Variants in COMMD2 observed in about 807,000 individuals in gnomAD.
COMMD2 encodes COMM domain containing 2, also known as COMM domain-containing protein 2.
COMMD2 carries 25 observed loss-of-function variants against 22.5 expected under a neutral mutation model. The ratio of observed to expected loss-of-function variants is 1.11; its 90% confidence interval spans 0.81 to 1.55. The LOEUF is 1.55. Among genes scored for constraint, COMMD2 ranks in the 40% most tolerant of loss-of-function variants. The pLI is 0.00. For missense variants in COMMD2, 223 were observed against 232.9 expected, an observed-to-expected ratio of 0.96 and a Z score of 0.28; for synonymous variants, 98 against 91.2, an observed-to-expected ratio of 1.07 and a Z score of -0.42.
At chr3:149,745,294 C>A (rs754325898) in intron 4 of COMMD2, among the ~76,000 whole-genome samples, 2 of 152,158 alleles carry the variant, frequency 1.3e-5, no homozygotes, top group African/African-American at 4.8e-5. Flanking sequence ...GTTAGGGGTA[C>A]AAGAAATATA....
intron 4 of COMMD2, among the ~76,000 whole-genome samples, chr3:149,749,730 C>T (rs1391536149): frequency 6.6e-6 from 1 of 152,204 alleles, no homozygotes; most frequent in African/African-American, 2.4e-5. Flanking sequence ...TCTGAAATTT[C>T]ATTTCCTTTT....
At chr3:149,742,169 A>G (rs1716247715) in intron 4 of COMMD2, among the ~76,000 whole-genome samples, 1 of 152,248 alleles carries the variant, frequency 6.6e-6, no homozygotes, top group Non-Finnish European at 1.5e-5. Context: ...AGCATTTTAC[A>G]GAAGACAAAT....
At position 149,752,455 on chromosome 3, in the gene COMMD2, C is replaced by T. The variant is rs1204317690; in HGVS notation, c.-11G>A. Reference sequence around the variant, plus strand: ...CAATTCCAGCAGCATCTTCACTGTCCTACGATTTCACCCGGCAGCGCCGAC... The same window carrying T: ...CAATTCCAGCAGCATCTTCACTGTCTTACGATTTCACCCGGCAGCGCCGAC... On this transcript the variant is annotated 5_prime_UTR_variant, in exon 1 of 5. Transcript: ENST00000473414. 33 of 1,611,112 alleles carry T rather than the reference C, an allele frequency of 2.0e-5. 1 individual carries two copies. Among genetic ancestry groups the T allele is most frequent in the Middle Eastern group, 1.6e-4 (1 of 6,080 alleles).
Position 149,739,318 on chromosome 3 carries a change from C to G in COMMD2, c.*2203G>C, listed in dbSNP as rs561215787. The G allele has an allele frequency of 6.6e-6, 1 of 151,162 alleles. No individual in the cohort carries two copies. The highest frequency in any genetic ancestry group is 2.1e-4 in the South Asian group (1 of 4,796). The allele number at this position is 151,162 out of a possible 1,614,324, so 9.4% of individuals were successfully genotyped here. A position where few individuals can be genotyped will look rare whatever the true frequency, so the allele number is the denominator to read the frequency against. ...TCCACAAGGATGTGGAATGTTTGAG[C>G]AAAAAAAAGGAAGAGGCTTATTCAA... On this transcript the variant is annotated 3_prime_UTR_variant, in exon 5 of 5. Transcript: ENST00000473414.
At chr3:149,751,331 A>T (rs2108253701) in intron 3 of COMMD2, 72 bp downstream of exon 3, 1 of 1,606,460 alleles carries the variant, frequency 6.2e-7, no homozygotes, top group African/African-American at 1.3e-5. Flanking sequence ...ACCTGCCAGG[A>T]CTATGATGTA....
chr3:149,749,615 A>G (rs989297935), intron 4 of COMMD2, among the ~76,000 whole-genome samples: 1 of 152,198 alleles, frequency 6.6e-6, no homozygotes, highest in Non-Finnish European at 1.5e-5. Flanking sequence ...AGTGCACTAT[A>G]ATACATATTC....
chr3:149,743,676 C>G (rs1716294491), intron 4 of COMMD2, among the ~76,000 whole-genome samples: 1 of 152,156 alleles, frequency 6.6e-6, no homozygotes, highest in Non-Finnish European at 1.5e-5. Context: ...TAGGTACTTG[C>G]AGGCTAAAGT....
intron 4 of COMMD2, among the ~76,000 whole-genome samples, chr3:149,745,192 C>T (rs987841864): frequency 6.6e-6 from 1 of 152,134 alleles, no homozygotes; most frequent in Non-Finnish European, 1.5e-5. Flanking sequence ...CAGTCATTTC[C>T]CCAATGAACC....
At chr3:149,747,666 C>T (rs1037829602) in intron 4 of COMMD2, among the ~76,000 whole-genome samples, 3 of 152,104 alleles carry the variant, frequency 2.0e-5, no homozygotes, top group Non-Finnish European at 1.5e-5. Flanking sequence ...GCTGGGCGTG[C>T]TGGCTCATGC....
At chr3:149,743,387 G>A (rs1448643804) in intron 4 of COMMD2, among the ~76,000 whole-genome samples, 1 of 152,056 alleles carries the variant, frequency 6.6e-6, no homozygotes, top group Non-Finnish European at 1.5e-5. Context: ...ATAGGAGAAA[G>A]CAAAAAAGTT....
intron 4 of COMMD2, among the ~76,000 whole-genome samples, chr3:149,745,276 T>C (rs560043680): frequency 6.6e-6 from 1 of 152,330 alleles, no homozygotes; most frequent in African/African-American, 2.4e-5. Context: ...CTACAGCACC[T>C]GGCACATGTT....
chr3:149,752,331 T>G lies in COMMD2; in HGVS notation c.68-44A>C, dbSNP rs150156056. ...GGCTGTTGAGTGCCAGGCGCTGCCT[T>G]TGACCTCCTCCCCAGCCCACAGAAC... is the stretch of plus-strand genomic sequence containing the variant. On this transcript the variant is annotated intron_variant, in intron 1 of 4. Coordinates refer to ENST00000473414, the MANE Select transcript of COMMD2 (RefSeq NM_016094.4). 1,079 of 1,613,832 alleles carry G rather than the reference T, an allele frequency of 6.7e-4. 2 individuals are homozygous for G. In the African/African-American group the frequency reaches 0.013, roughly 20 times the overall value.
At chr3:149,742,069 A>C (rs890416973) in intron 4 of COMMD2, among the ~76,000 whole-genome samples, 9 of 152,172 alleles carry the variant, frequency 5.9e-5, no homozygotes, top group African/African-American at 1.9e-4. Flanking sequence ...TAACCAAAAA[A>C]AGATTAGTAT....
At chr3:149,750,307 T>A (rs1716495421) in intron 4 of COMMD2, 5 of 377,170 alleles carry the variant, frequency 1.3e-5, no homozygotes, top group South Asian at 9.9e-5. Flanking sequence ...AGGATGCTTC[T>A]GGGGTGTGAG....
rs748900756 is a variant in COMMD2, at chr3:149,741,655, G to C, written c.466C>G (p.Gln156Glu). Residue 156 changes from glutamine to glutamate, a missense_variant, in exon 5 of 5, where the codon CAA becomes GAA. Physicochemically the swap from Gln to Glu is conservative, Grantham distance 29 (BLOSUM62 2). Coordinates refer to ENST00000473414, the MANE Select transcript of COMMD2 (RefSeq NM_016094.4). ...PAVTIKLHLN[Q>E]NGDHNTKVLQ... is the part of the protein sequence containing the mutation. ...ACTTTGGTGTTGTGATCTCCATTTT[G>C]ATTAAGGTGTAGCTTTATAGTCACT... 6.2e-7 allele frequency: 1 copy of C among 1,613,972 alleles called. No homozygotes were observed. The highest frequency in any genetic ancestry group is 1.1e-5 in the South Asian group (1 of 91,064).
chr3:149,742,778 C>A (rs1245745010), intron 4 of COMMD2, among the ~76,000 whole-genome samples: 3 of 151,894 alleles, frequency 2.0e-5, no homozygotes, highest in Non-Finnish European at 4.4e-5. Context: ...ACCAGCCCGG[C>A]CAACATAGTG....
intron 4 of COMMD2, among the ~76,000 whole-genome samples, chr3:149,746,375 C>G (rs1449278078): frequency 6.6e-6 from 1 of 152,100 alleles, no homozygotes; most frequent in Non-Finnish European, 1.5e-5. Flanking sequence ...AATGTACGTA[C>G]TATCTGAGAT....
Position 149,741,604 on chromosome 3 carries a change from G to A in COMMD2, c.517C>T (p.Leu173Phe). ...TGTTCCAGTTGTTGAACCAAATGGAGCAGGGTGGCTGGGTCTGTCTGCAGA... is the reference window on the plus strand; with the variant it reads ...TGTTCCAGTTGTTGAACCAAATGGAACAGGGTGGCTGGGTCTGTCTGCAGA... The part of the protein sequence containing the change: ...KVLQTDPATL[L>F]HLVQQLEQAL... The change falls in exon 5 of 5, where the codon CTC becomes TTC. Residue 173 changes from leucine to phenylalanine, a missense_variant. By Grantham distance (22) the Leu-to-Phe change is conservative (BLOSUM62 0). Transcript: ENST00000473414. The A allele has an allele frequency of 1.2e-6, 2 of 1,614,072 alleles. No homozygotes were observed. The highest frequency in any genetic ancestry group is 1.7e-6 in the Non-Finnish European group (2 of 1,180,008).
intron 4 of COMMD2, among the ~76,000 whole-genome samples, chr3:149,749,787 GTGTTGTTGT>G (rs142858902): frequency 6.6e-6 from 1 of 151,878 alleles, no homozygotes; most frequent in Non-Finnish European, 1.5e-5. Flanking sequence ...ACAACTACAC[GTGTTGTTGT>G]TGTTGTTGTT....
Sources: allele counts gnomAD v4.1 joint callset (sites outside exome capture counted in the v4.1 genomes callset), GRCh38; gene constraint gnomAD v4.1.1; transcripts MANE v1.5; gene names NCBI Gene and HGNC (gene_info 2026-07-23, HGNC 2026-07-21).